Variants in PPP2R3A observed in about 807,000 individuals in gnomAD.
The protein encoded by PPP2R3A is protein phosphatase 2 regulatory subunit B''alpha, also known as serine/threonine-protein phosphatase 2A regulatory subunit B'' subunit alpha.
Under a neutral mutation model 106.9 loss-of-function variants are expected in PPP2R3A, and 80 were observed. The observed-to-expected ratio is 0.75, with a 90% CI of 0.62 to 0.90. The LOEUF (loss-of-function observed/expected upper bound fraction) is 0.90. Among genes scored for constraint, PPP2R3A ranks in the 40% least tolerant of loss-of-function variants. PPP2R3A has a pLI of 0.00. For missense variants in PPP2R3A, 1,386 were observed against 1,350.4 expected, an observed-to-expected ratio of 1.03 and a Z score of -0.41; for synonymous variants, 483 against 468.3, an observed-to-expected ratio of 1.03 and a Z score of -0.41.
At chr3:136,086,421 G>T (rs1193877087) in intron 8 of PPP2R3A, among the ~76,000 whole-genome samples, 1 of 152,090 alleles carries the variant, frequency 6.6e-6, no homozygotes, top group Non-Finnish European at 1.5e-5. Context: ...GGCAGAGGTT[G>T]CAGTAAGCCG....
intron 13 of PPP2R3A, among the ~76,000 whole-genome samples, chr3:136,136,717 A>G (rs1389209127): frequency 6.6e-6 from 1 of 152,186 alleles, no homozygotes; most frequent in African/African-American, 2.4e-5. Context: ...CACTACAAGG[A>G]TATCTACAGT....
At chr3:136,131,559 T>C (rs186912648) in intron 13 of PPP2R3A, among the ~76,000 whole-genome samples, 1 of 152,316 alleles carries the variant, frequency 6.6e-6, no homozygotes, top group Admixed American at 6.5e-5. Flanking sequence ...TTTTACACTG[T>C]TGGTGGGAGT....
chr3:136,027,184 C>A, intron 3 of PPP2R3A, 86 bp downstream of exon 3: 1 of 1,212,846 alleles, frequency 8.2e-7, no homozygotes, highest in Non-Finnish European at 1.1e-6. Context: ...GGATCCCACC[C>A]CCCTTCACTG....
intron 1 of PPP2R3A, among the ~76,000 whole-genome samples, chr3:135,985,420 G>GTC (rs900060765): frequency 1.5e-5 from 2 of 129,544 alleles, no homozygotes; most frequent in African/African-American, 3.0e-5. Context: ...CGCTCTCTCT[G>GTC]TCTCTCTCTC....
chr3:135,983,619 A>G (rs1937567824), intron 1 of PPP2R3A, among the ~76,000 whole-genome samples: 1 of 152,066 alleles, frequency 6.6e-6, no homozygotes, highest in Non-Finnish European at 1.5e-5. Flanking sequence ...TCTTGCCCTG[A>G]TATTTGTGTT....
intron 3 of PPP2R3A, 37 bp from the exon 4 acceptor site, chr3:136,040,822 C>A (rs756619883): frequency 6.6e-7 from 1 of 1,516,288 alleles, no homozygotes; most frequent in Non-Finnish European, 8.9e-7. Flanking sequence ...CTCTTCATTC[C>A]CTGTTGGCTT....
intron 13 of PPP2R3A, among the ~76,000 whole-genome samples, chr3:136,119,842 G>A (rs1158818980): frequency 6.6e-6 from 1 of 152,164 alleles, no homozygotes; most frequent in African/African-American, 2.4e-5. Context: ...GTTTGACCCA[G>A]CAATTCCATT....
At chr3:136,057,127 A>C (rs142732484) in intron 5 of PPP2R3A, among the ~76,000 whole-genome samples, 3 of 152,186 alleles carry the variant, frequency 2.0e-5, no homozygotes, top group Non-Finnish European at 2.9e-5. Context: ...TATGGAGAAT[A>C]GCTGGAGGCA....
At chr3:135,998,872 A>T (rs992403828) in intron 1 of PPP2R3A, among the ~76,000 whole-genome samples, 2 of 152,252 alleles carry the variant, frequency 1.3e-5, no homozygotes, top group Non-Finnish European at 2.9e-5. Flanking sequence ...TAAAAAATAC[A>T]TACATTTATA....
At chr3:135,979,709 A>G (rs1045023909) in intron 1 of PPP2R3A, among the ~76,000 whole-genome samples, 3 of 151,862 alleles carry the variant, frequency 2.0e-5, no homozygotes, top group Admixed American at 6.5e-5. Flanking sequence ...TGTCCAAAAC[A>G]TACTGGGCAG....
At chr3:135,969,768 G>T (rs1454356606) in intron 1 of PPP2R3A, among the ~76,000 whole-genome samples, 1 of 152,154 alleles carries the variant, frequency 6.6e-6, no homozygotes, top group Non-Finnish European at 1.5e-5. Context: ...TTTAAAATCT[G>T]AAGATTTCTC....
At position 136,002,673 on chromosome 3, in the gene PPP2R3A, A is replaced by G. The variant is rs1410588048; in HGVS notation, c.1175A>G (p.Gln392Arg). Reference sequence around the variant, plus strand: ...GATCCTAGAACTCTAAAAGCTGTCCAGGTCCAATCACAGTCATTAACCATG... The same window carrying G: ...GATCCTAGAACTCTAAAAGCTGTCCGGGTCCAATCACAGTCATTAACCATG... Reference protein sequence around the residue: ...VNDPRTLKAVQVQSQSLTMNP... With the variant: ...VNDPRTLKAVRVQSQSLTMNP... The change falls in exon 2 of 14, where the codon CAG becomes CGG. Residue 392 changes from glutamine to arginine, a missense_variant. Coordinates refer to ENST00000264977, the MANE Select transcript of PPP2R3A (RefSeq NM_002718.5). The G allele has an allele frequency of 1.4e-5, 23 of 1,613,378 alleles. No homozygotes were observed. Among genetic ancestry groups the G allele is most frequent in the Non-Finnish European group, 1.7e-5 (20 of 1,179,412 alleles).
chr3:135,975,879 G>A (rs953906443), intron 1 of PPP2R3A, among the ~76,000 whole-genome samples: 16 of 151,978 alleles, frequency 1.1e-4, no homozygotes, highest in African/African-American at 3.4e-4. Flanking sequence ...TATTGAATAC[G>A]TTCTCTTTGT....
chr3:136,062,479 T>C (rs552291830), intron 5 of PPP2R3A, among the ~76,000 whole-genome samples: 1 of 150,758 alleles, frequency 6.6e-6, no homozygotes, highest in South Asian at 2.1e-4. Context: ...ATCCTAGCAC[T>C]TTGGGAGGCC....
At chr3:136,042,197 A>G (rs951044535) in intron 4 of PPP2R3A, among the ~76,000 whole-genome samples, 1 of 152,238 alleles carries the variant, frequency 6.6e-6, no homozygotes, top group Admixed American at 6.5e-5. Context: ...TTAAAAATCT[A>G]GCAGCAGGTC....
At chr3:136,025,218 G>A (rs1490172682) in intron 2 of PPP2R3A, among the ~76,000 whole-genome samples, 3 of 152,044 alleles carry the variant, frequency 2.0e-5, no homozygotes, top group Admixed American at 6.6e-5. Context: ...CTAAGAAGTA[G>A]ACATTGTAAT....
chr3:136,011,988 C>CACAT (rs1553743063), intron 2 of PPP2R3A, among the ~76,000 whole-genome samples: 2 of 131,776 alleles, frequency 1.5e-5, no homozygotes, highest in African/African-American at 7.4e-5. Flanking sequence ...CACACACACA[C>CACAT]ACACATACAC....
intron 3 of PPP2R3A, among the ~76,000 whole-genome samples, chr3:136,037,289 C>T (rs1008781595): frequency 1.3e-5 from 2 of 152,182 alleles, no homozygotes; most frequent in Non-Finnish European, 2.9e-5. Flanking sequence ...TGGTTAAATT[C>T]TCAGTGTGTA....
At chr3:135,974,842 T>C (rs1439187725) in intron 1 of PPP2R3A, among the ~76,000 whole-genome samples, 1 of 152,182 alleles carries the variant, frequency 6.6e-6, no homozygotes, top group Non-Finnish European at 1.5e-5. Context: ...TGCTTCTCTG[T>C]GAGATTAGAA....
Sources: gnomAD v4.1 joint callset for allele counts (sites outside exome capture counted in the v4.1 genomes callset) on GRCh38, gnomAD v4.1.1 for gene constraint, MANE v1.5 for transcripts, NCBI Gene and HGNC (gene_info 2026-07-23, HGNC 2026-07-21) for gene names.